DAO: variants seen among roughly 807,000 people sequenced by gnomAD.
The protein encoded by DAO is D-amino acid oxidase.
Under a neutral mutation model 50.1 loss-of-function variants are expected in DAO, and 51 were observed. That is an observed-to-expected ratio of 1.02 (90% CI 0.81 to 1.29). The LOEUF (loss-of-function observed/expected upper bound fraction) is 1.29, where lower values mean the gene tolerates loss of function less well. Among genes scored for constraint, DAO ranks in the 50% most tolerant of loss-of-function variants. The probability of loss-of-function intolerance (pLI) is 0.00; values close to 1 mark genes in which losing one functional copy is unlikely to be tolerated. For synonymous variants in DAO, 160 were observed against 166.2 expected (o/e 0.96, Z 0.29); for missense variants, 436 against 439.4 (o/e 0.99, Z 0.07).
At chr12:108,887,877 T>C (rs1295985856) in intron 3 of DAO, among the ~76,000 whole-genome samples, 4 of 152,010 alleles carry the variant, frequency 2.6e-5, no homozygotes, top group African/African-American at 9.7e-5. Flanking sequence ...AGCCAAAAGG[T>C]TTCAAGTGCC....
At chr12:108,897,392 A>AT (rs1340757370) in intron 8 of DAO, among the ~76,000 whole-genome samples, 1 of 151,796 alleles carries the variant, frequency 6.6e-6, no homozygotes, top group African/African-American at 2.4e-5. Flanking sequence ...AATTTTTTGT[A>AT]TTTTTAGTAG....
At chr12:108,898,449 G>A (rs1593167803) in intron 8 of DAO, 1 of 539,882 alleles carries the variant, frequency 1.9e-6, no homozygotes, top group Non-Finnish European at 3.4e-6. Flanking sequence ...GCAGTTGGTG[G>A]TGATGACCTA....
chr12:108,890,112 C>A, intron 4 of DAO, 96 bp from the exon 5 acceptor site: 1 of 1,072,448 alleles, frequency 9.3e-7, no homozygotes, highest in East Asian at 2.4e-5. Flanking sequence ...CCCTTTGGGC[C>A]CACAGAACAA....
intron 5 of DAO, among the ~76,000 whole-genome samples, chr12:108,891,975 G>A (rs1027662689): frequency 2.0e-5 from 3 of 151,938 alleles, no homozygotes; most frequent in Non-Finnish European, 4.4e-5. Flanking sequence ...CTAAGACATG[G>A]CTATTTCTCC....
rs1210916894 is a variant in DAO at position 108,898,897 on chromosome 12, C to G, written c.813+101C>G. ...AGATGCCACCGCTGGGATAACTGGGCAAATTAATTCCAGCAAGGGATGTGG... is the reference window on the plus strand; with the variant it reads ...AGATGCCACCGCTGGGATAACTGGGGAAATTAATTCCAGCAAGGGATGTGG... On this transcript the variant is annotated intron_variant, in intron 9 of 10. Transcript: ENST00000228476. 7.8e-5 allele frequency: 60 copies of G among 772,380 alleles called. 1 individual carries two copies. The highest frequency in any genetic ancestry group is 3.0e-4 in the Middle Eastern group (1 of 3,302). The allele number at this position is 772,380 out of a possible 1,614,324, so 47.8% of individuals were successfully genotyped here.
chr12:108,896,267 C>CA (rs1157577973), intron 7 of DAO, among the ~76,000 whole-genome samples: 1 of 151,010 alleles, frequency 6.6e-6, no homozygotes, highest in African/African-American at 2.4e-5. Flanking sequence ...ACTAAAAATA[C>CA]AAAAAATTAG....
Position 108,885,018 on chromosome 12 carries a change from G to T in DAO, c.12G>T (p.Val4=). 1 of 1,614,150 alleles carries T rather than the reference G, an allele frequency of 6.2e-7. No individual in the cohort carries two copies. The highest frequency in any genetic ancestry group is 8.5e-7 in the Non-Finnish European group (1 of 1,180,006). MRV[V]VIGAGVIGLS... ...CACAGGCTGCTGCAATGCGTGTGGT[G>T]GTGATTGGAGCAGGAGTCATCGGGC... The change falls in exon 2 of 11, where the codon GTG becomes GTT. Residue 4 remains valine (V), a synonymous_variant. Transcript: ENST00000228476.
intron 3 of DAO, 143 bp downstream of exon 3, chr12:108,887,707 G>T: frequency 2.8e-6 from 2 of 704,652 alleles, no homozygotes; most frequent in South Asian, 1.5e-5. Flanking sequence ...AAACAGGTTT[G>T]GTTTAAATTC....
chr12:108,898,421 G>T, intron 8 of DAO: 1 of 483,844 alleles, frequency 2.1e-6, no homozygotes, highest in Non-Finnish European at 3.8e-6. Flanking sequence ...TGTTAGTGGT[G>T]GTGGTGAAAT....
intron 8 of DAO, 71 bp from the exon 9 acceptor site, chr12:108,898,608 A>ATGGTG: frequency 9.8e-7 from 1 of 1,022,912 alleles, no homozygotes; most frequent in East Asian, 2.4e-5. Flanking sequence ...GACAAGGTTG[A>ATGGTG]TGGTAATGAC....
At chr12:108,895,617 A>G (rs9668314) in intron 7 of DAO, among the ~76,000 whole-genome samples, 55,742 of 123,818 alleles carry the variant, frequency 0.45, 13,026 homozygotes, top group African/African-American at 0.68. Flanking sequence ...TGTGTGTGAG[A>G]GTATGTATGC....
Position 108,889,750 on chromosome 12 carries a change from C to T in DAO, c.386+205C>T, listed in dbSNP as rs140558461. Among the ~76,000 whole-genome samples, 395 of 152,260 alleles carry T rather than the reference C, an allele frequency of 2.6e-3. 2 individuals are homozygous for T. The highest frequency in any genetic ancestry group is 6.6e-3 in the South Asian group (32 of 4,824). ...TGGGAAGGTAGGGGGTATGAAATCA[C>T]AGATCTCAAGCCCAGAAGCTCCATA... On this transcript the variant is annotated intron_variant, in intron 4 of 10. Transcript: ENST00000228476.
intron 4 of DAO, 61 bp downstream of exon 4, chr12:108,889,606 A>G: frequency 7.5e-7 from 1 of 1,330,618 alleles, no homozygotes; most frequent in Non-Finnish European, 1.1e-6. Context: ...ACCTGTCCAG[A>G]AGGCAGCAGA....
intron 7 of DAO, among the ~76,000 whole-genome samples, chr12:108,895,019 T>C (rs1052960538): frequency 1.3e-5 from 2 of 152,176 alleles, no homozygotes; most frequent in Admixed American, 6.5e-5. Flanking sequence ...CTCAGCCTAT[T>C]GTGTTAATTA....
intron 1 of DAO, among the ~76,000 whole-genome samples, chr12:108,881,162 T>TCA (rs66697500): frequency 0.16 from 21,934 of 139,132 alleles, 1,990 homozygotes; most frequent in East Asian, 0.37. Context: ...GACATTCTAA[T>TCA]CACACACACA....
At chr12:108,884,511 G>T (rs2039413161) in intron 1 of DAO, among the ~76,000 whole-genome samples, 1 of 152,218 alleles carries the variant, frequency 6.6e-6, no homozygotes, top group Non-Finnish European at 1.5e-5. Flanking sequence ...CAGGCAGCTT[G>T]TTAAATTTGT....
At chr12:108,899,507 T>C (rs75885639) in intron 10 of DAO, 32 bp downstream of exon 10, 67,243 of 1,560,862 alleles carry the variant, frequency 0.043, 1,679 homozygotes, top group Non-Finnish European at 0.05. Context: ...AGTAATGCCC[T>C]CTTCCACTCC....
Position 108,880,380 on chromosome 12 carries a change from G to A in DAO, c.-10+156G>A, listed in dbSNP as rs375318172. The A allele has an allele frequency of 1.3e-4, 43 of 334,530 alleles. No homozygotes were observed. In the East Asian group the frequency reaches 3.2e-3, roughly 25 times the overall value. The allele number at this position is 334,530 out of a possible 1,614,324, so 20.7% of individuals were successfully genotyped here. ...GATCCAGCCTCTCAAACATCCAGCA[G>A]AGAGACCATAGGTAAGTGATTTTTC... On this transcript the variant is annotated intron_variant, in intron 1 of 10. Transcript: ENST00000228476.
At chr12:108,897,694 T>C (rs1456555345) in intron 8 of DAO, among the ~76,000 whole-genome samples, 1 of 148,604 alleles carries the variant, frequency 6.7e-6, no homozygotes, top group East Asian at 2.2e-4. Flanking sequence ...ACGCCTGTAA[T>C]CCCAGCACTT....
Sources: gnomAD v4.1 joint callset for allele counts (sites outside exome capture counted in the v4.1 genomes callset) on GRCh38, gnomAD v4.1.1 for gene constraint, MANE v1.5 for transcripts, NCBI Gene and HGNC (gene_info 2026-07-23, HGNC 2026-07-21) for gene names.